The following KIAA0825 variants were observed in gnomAD, a reference collection of about 807,000 sequenced individuals.
KIAA0825 encodes uncharacterized protein KIAA0825.
In KIAA0825, 119 loss-of-function variants were observed where a neutral mutation model predicts 147.6. That is an observed-to-expected ratio of 0.81 (90% CI 0.69 to 0.94). The LOEUF is 0.94. Ranked by LOEUF, KIAA0825 falls within the 40% of genes least tolerant of loss-of-function variation. The pLI is 0.00. For synonymous variants in KIAA0825, 470 were observed against 518.1 expected (o/e 0.91, Z 1.26); for missense variants, 1,381 against 1,472.7 (o/e 0.94, Z 1.02).
intron 2 of KIAA0825, among the ~76,000 whole-genome samples, chr5:94,581,135 T>C (rs748958793): frequency 6.6e-6 from 1 of 151,902 alleles, no homozygotes; most frequent in Non-Finnish European, 1.5e-5. Context: ...AAAAAATCAA[T>C]AGTGAAACAT....
intron 17 of KIAA0825, 97 bp from the exon 18 acceptor site, chr5:94,391,791 A>C: frequency 7.7e-6 from 8 of 1,043,030 alleles, no homozygotes; most frequent in East Asian, 2.7e-5. Flanking sequence ...TGTAAATCTC[A>C]GATTCAAAGC....
At chr5:94,358,629 C>CT (rs139362823) in intron 20 of KIAA0825, among the ~76,000 whole-genome samples, 31,666 of 152,118 alleles carry the variant, frequency 0.21, 3,838 homozygotes, top group Middle Eastern at 0.27. Flanking sequence ...TCACAAAACT[C>CT]TAAGTACTAT....
chr5:94,530,271 CA>C (rs770501364), intron 3 of KIAA0825, among the ~76,000 whole-genome samples: 914 of 54,576 alleles, frequency 0.017, 1 homozygote, highest in African/African-American at 0.029. Context: ...AACTCCGTCA[CA>C]AAAAAAAAAA....
chr5:94,224,630 A>G (rs1439718166), intron 20 of KIAA0825, among the ~76,000 whole-genome samples: 2 of 152,202 alleles, frequency 1.3e-5, no homozygotes, highest in African/African-American at 2.4e-5. Context: ...GATTCGTTGT[A>G]TATATAGGAG....
At chr5:94,612,923 A>G (rs1175490383) in intron 1 of KIAA0825, among the ~76,000 whole-genome samples, 1 of 152,220 alleles carries the variant, frequency 6.6e-6, no homozygotes, top group Non-Finnish European at 1.5e-5. Flanking sequence ...ACCTACACAC[A>G]GTATTACATT....
intron 20 of KIAA0825, among the ~76,000 whole-genome samples, chr5:94,270,202 A>G (rs1776922497): frequency 6.6e-6 from 1 of 152,192 alleles, no homozygotes; most frequent in Admixed American, 6.5e-5. Flanking sequence ...ATTATACAGT[A>G]GAACTATAGT....
chr5:94,595,126 T>G (rs1218133589), intron 1 of KIAA0825, among the ~76,000 whole-genome samples: 4 of 152,160 alleles, frequency 2.6e-5, no homozygotes, highest in Non-Finnish European at 5.9e-5. Flanking sequence ...GGCTCTCTTC[T>G]CACAGTTCCA....
At chr5:94,527,726 T>A (rs1020621983) in intron 3 of KIAA0825, among the ~76,000 whole-genome samples, 1 of 152,088 alleles carries the variant, frequency 6.6e-6, no homozygotes, top group Non-Finnish European at 1.5e-5. Context: ...ACATTTCTGT[T>A]CATTTCCGTG....
At chr5:94,540,369 C>T (rs942673150) in intron 2 of KIAA0825, among the ~76,000 whole-genome samples, 13 of 152,184 alleles carry the variant, frequency 8.5e-5, no homozygotes, top group Non-Finnish European at 1.8e-4. Context: ...AAGTTACAAA[C>T]TTTGCTGCAA....
At chr5:94,219,275 GCA>G (rs1374585021) in intron 20 of KIAA0825, among the ~76,000 whole-genome samples, 1 of 151,980 alleles carries the variant, frequency 6.6e-6, no homozygotes, top group Non-Finnish European at 1.5e-5. Context: ...TCCCTCGCAT[GCA>G]CAGTTAACAA....
intron 20 of KIAA0825, among the ~76,000 whole-genome samples, chr5:94,240,428 T>C (rs1775287846): frequency 6.6e-6 from 1 of 152,226 alleles, no homozygotes; most frequent in Non-Finnish European, 1.5e-5. Context: ...AAACCGAATG[T>C]ACACTGTTTG....
At chr5:94,392,229 G>A (rs996908626) in intron 17 of KIAA0825, among the ~76,000 whole-genome samples, 3 of 152,144 alleles carry the variant, frequency 2.0e-5, no homozygotes, top group African/African-American at 7.2e-5. Flanking sequence ...TTACCACTGG[G>A]TATTTTAAAT....
chr5:94,430,560 G>A (rs138899125), intron 14 of KIAA0825, among the ~76,000 whole-genome samples: 58 of 152,182 alleles, frequency 3.8e-4, no homozygotes, highest in African/African-American at 1.3e-3. Context: ...TTGCAAAATG[G>A]TCCTAATAAT....
At chr5:94,567,406 A>G (rs895007876) in intron 2 of KIAA0825, 8 of 152,242 alleles carry the variant, frequency 5.3e-5, no homozygotes, top group African/African-American at 1.9e-4. Context: ...AAGTTGATTT[A>G]CAAAGTCTCA....
intron 2 of KIAA0825, among the ~76,000 whole-genome samples, chr5:94,557,204 C>T (rs899024422): frequency 2.6e-5 from 4 of 152,134 alleles, no homozygotes; most frequent in Non-Finnish European, 5.9e-5. Flanking sequence ...GCCTTGACCT[C>T]CTGGGCCAAG....
intron 20 of KIAA0825, among the ~76,000 whole-genome samples, chr5:94,199,841 G>A (rs977412152): frequency 1.3e-5 from 2 of 152,136 alleles, no homozygotes; most frequent in Non-Finnish European, 2.9e-5. Flanking sequence ...ATGGGAGGGC[G>A]ACAGCTATCA....
intron 1 of KIAA0825, among the ~76,000 whole-genome samples, chr5:94,587,837 C>A (rs904412197): frequency 6.6e-6 from 1 of 152,128 alleles, no homozygotes; most frequent in East Asian, 1.9e-4. Context: ...GCTACTGGTA[C>A]CAAAACAGAT....
chr5:94,186,392 A>T lies in KIAA0825; in HGVS notation c.3711-32268T>A, dbSNP rs368905629. Among the ~76,000 whole-genome samples the T allele has an allele frequency of 4.0e-4, 61 of 152,358 alleles. 1 individual carries two copies. Among genetic ancestry groups the T allele is most frequent in the African/African-American group, 1.4e-3 (60 of 41,592 alleles). ...CAATATTTACTGACCTTTCTAAAGC[A>T]GTAAATAATATTTCCATTTGGAAGA... On this transcript the variant is annotated intron_variant, in intron 20 of 20. Coordinates refer to ENST00000682413, the MANE Select transcript of KIAA0825 (RefSeq NM_001145678.3).
intron 6 of KIAA0825, among the ~76,000 whole-genome samples, chr5:94,481,329 G>T (rs1420299739): frequency 2.0e-5 from 3 of 152,084 alleles, no homozygotes; most frequent in African/African-American, 7.2e-5. Context: ...GAGGTTGGCA[G>T]TACTTCCCTG....
Sources: allele counts gnomAD v4.1 joint callset (sites outside exome capture counted in the v4.1 genomes callset), GRCh38; gene constraint gnomAD v4.1.1; transcripts MANE v1.5; gene names NCBI Gene and HGNC (gene_info 2026-07-23, HGNC 2026-07-21).